The following DLGAP2 variants were observed in gnomAD, a reference collection of about 807,000 sequenced individuals.
The protein encoded by DLGAP2 is disks large-associated protein 2.
DLGAP2 carries 26 observed loss-of-function variants against 100.3 expected under a neutral mutation model. The ratio of observed to expected loss-of-function variants is 0.26; its 90% CI spans 0.19 to 0.36. DLGAP2 has a LOEUF of 0.36. Ranked by LOEUF, DLGAP2 falls within the 10% of genes least tolerant of loss-of-function variation. The pLI is 1.00. For synonymous variants in DLGAP2, 886 were observed against 630.1 expected, an observed-to-expected ratio of 1.41 and a Z score of -6.08; for missense variants, 1,858 against 1,453.2, an observed-to-expected ratio of 1.28 and a Z score of -4.53.
chr8:1,375,084 C>T (rs945804363), intron 3 of DLGAP2, among the ~76,000 whole-genome samples: 6 of 149,952 alleles, frequency 4.0e-5, no homozygotes, highest in Non-Finnish European at 7.4e-5. Flanking sequence ...CACCTCTCCA[C>T]GACCTCAGAA....
At chr8:1,159,622 C>A (rs894912535) in intron 2 of DLGAP2, among the ~76,000 whole-genome samples, 2 of 152,098 alleles carry the variant, frequency 1.3e-5, no homozygotes, top group African/African-American at 2.4e-5. Context: ...AGAAAGAATA[C>A]CTGCATCTAT....
chr8:1,563,916 A>G (rs1273180838), intron 5 of DLGAP2, among the ~76,000 whole-genome samples: 1 of 152,198 alleles, frequency 6.6e-6, no homozygotes, highest in Non-Finnish European at 1.5e-5. Flanking sequence ...ATACCTCAGT[A>G]GCTAAGTATT....
intron 1 of DLGAP2, among the ~76,000 whole-genome samples, chr8:826,822 A>C (rs1017688122): frequency 1.3e-5 from 2 of 152,022 alleles, no homozygotes; most frequent in African/African-American, 4.8e-5. Context: ...GACCTTTGTC[A>C]TTTATGTGGA....
At chr8:984,795 T>C (rs1397195700) in intron 2 of DLGAP2, among the ~76,000 whole-genome samples, 1 of 152,204 alleles carries the variant, frequency 6.6e-6, no homozygotes, top group Non-Finnish European at 1.5e-5. Context: ...AGTGATTGGT[T>C]AGGACAATGA....
chr8:1,526,972 C>T (rs924754735), intron 4 of DLGAP2, among the ~76,000 whole-genome samples: 5 of 152,204 alleles, frequency 3.3e-5, no homozygotes, highest in Admixed American at 6.5e-5. Flanking sequence ...CTGCAAGCAG[C>T]GGGTGCCGTC....
At chr8:1,536,799 T>G (rs551563232) in intron 4 of DLGAP2, among the ~76,000 whole-genome samples, 1 of 152,318 alleles carries the variant, frequency 6.6e-6, no homozygotes, top group East Asian at 1.9e-4. Flanking sequence ...TATTTTTATT[T>G]CCATTCAAAT....
intron 3 of DLGAP2, among the ~76,000 whole-genome samples, chr8:1,378,316 G>T: frequency 7.3e-6 from 1 of 137,216 alleles, no homozygotes; most frequent in Non-Finnish European, 1.5e-5. Context: ...GCGCACACCT[G>T]ACTTCACCTG....
intron 2 of DLGAP2, among the ~76,000 whole-genome samples, chr8:1,219,689 G>C (rs1050535123): frequency 3.9e-5 from 6 of 152,058 alleles, no homozygotes; most frequent in African/African-American, 1.4e-4. Flanking sequence ...TGTTGGTTTT[G>C]TACCAGCTCT....
Position 1,701,325 on chromosome 8 carries a change from G to C in DLGAP2, c.3087G>C (p.Ala1029=), listed in dbSNP as rs373924633. Reference sequence around the variant, plus strand: ...GGCGCCTCATGGCCGCCAAGCGAGCGGCGTCCTTCCGGCAGAATTCCGCCT... The same window carrying C: ...GGCGCCTCATGGCCGCCAAGCGAGCCGCGTCCTTCCGGCAGAATTCCGCCT... ...ARRRLMAAKR[A]ASFRQNSASE... Residue 1029 remains alanine (A), a synonymous_variant, in exon 15 of 15, where the codon GCG becomes GCC. Coordinates refer to ENST00000637795, the MANE Select transcript of DLGAP2 (RefSeq NM_001346810.2). The C allele has an allele frequency of 1.3e-6, 2 of 1,590,422 alleles. No individual in the cohort carries two copies. Among genetic ancestry groups the C allele is most frequent in the Non-Finnish European group, 8.6e-7 (1 of 1,169,226 alleles).
chr8:1,457,148 A>G (rs1363454528), intron 3 of DLGAP2, among the ~76,000 whole-genome samples: 1 of 152,220 alleles, frequency 6.6e-6, no homozygotes, highest in Non-Finnish European at 1.5e-5. Flanking sequence ...CCTATATTCA[A>G]GCAGATGAAA....
At chr8:831,648 C>G (rs1409438157) in intron 1 of DLGAP2, among the ~76,000 whole-genome samples, 2 of 152,154 alleles carry the variant, frequency 1.3e-5, no homozygotes, top group African/African-American at 2.4e-5. Flanking sequence ...CAAGTCTTTG[C>G]TATTGTTAAT....
intron 1 of DLGAP2, among the ~76,000 whole-genome samples, chr8:855,020 C>T (rs1045814183): frequency 5.3e-5 from 8 of 152,044 alleles, no homozygotes; most frequent in Admixed American, 2.6e-4. Flanking sequence ...GTCAGAGGTC[C>T]GGCAGTAGTG....
chr8:865,505 C>G lies in DLGAP2; in HGVS notation c.19-42407C>G, dbSNP rs545332950. 3.6e-4 allele frequency among the ~76,000 whole-genome samples: 55 copies of G among 152,258 alleles called. 1 individual carries two copies. The South Asian group carries it at 0.011, about 30-fold the overall frequency. On this transcript the variant is annotated intron_variant, in intron 1 of 14. Coordinates refer to ENST00000637795, the MANE Select transcript of DLGAP2 (RefSeq NM_001346810.2). ...TCAGATTCTGTGATGTTCCCCGGGGCTGAGTTTACTTTGTGAGCCATTGTG... is the reference window on the plus strand; with the variant it reads ...TCAGATTCTGTGATGTTCCCCGGGGGTGAGTTTACTTTGTGAGCCATTGTG...
chr8:1,194,891 C>A (rs564434991), intron 2 of DLGAP2, among the ~76,000 whole-genome samples: 2 of 152,342 alleles, frequency 1.3e-5, no homozygotes, highest in East Asian at 3.9e-4. Flanking sequence ...GCTTGGTGCT[C>A]ACGCTTTGCT....
chr8:1,538,696 C>T (rs1801240848), intron 4 of DLGAP2, among the ~76,000 whole-genome samples: 1 of 152,052 alleles, frequency 6.6e-6, no homozygotes, highest in Non-Finnish European at 1.5e-5. Context: ...TGGATTGTAC[C>T]ATTGTCATTC....
At position 1,114,685 on chromosome 8, in the gene DLGAP2, G is replaced by A. The variant is rs149845514; in HGVS notation, c.74-144166G>A. On this transcript the variant is annotated intron_variant, in intron 2 of 14. Coordinates refer to ENST00000637795, the MANE Select transcript of DLGAP2 (RefSeq NM_001346810.2). ...CATTGATTTTTTTCAATGGTTTTTC[G>A]TGTCTTGATTTTCTTCAGCTCTGAT... Among the ~76,000 whole-genome samples the A allele has an allele frequency of 7.3e-4, 110 of 150,572 alleles. 1 individual carries two copies. The highest frequency in any genetic ancestry group is 1.6e-3 in the African/African-American group (64 of 40,980).
intron 4 of DLGAP2, among the ~76,000 whole-genome samples, chr8:1,536,518 C>T (rs762517654): frequency 6.6e-6 from 1 of 152,172 alleles, no homozygotes; most frequent in Non-Finnish European, 1.5e-5. Context: ...TAAACCAGAG[C>T]ACCACCTTGA....
chr8:937,066 C>G (rs1018842803), intron 2 of DLGAP2, among the ~76,000 whole-genome samples: 1 of 152,142 alleles, frequency 6.6e-6, no homozygotes, highest in Non-Finnish European at 1.5e-5. Flanking sequence ...GTGTGAAGGC[C>G]CCGCACATCT....
intron 1 of DLGAP2, among the ~76,000 whole-genome samples, chr8:882,750 C>G (rs996938927): frequency 6.6e-6 from 1 of 150,992 alleles, no homozygotes; most frequent in African/African-American, 2.4e-5. Context: ...CCTGATCCAG[C>G]GGTACCTCTC....
Sources: gnomAD v4.1 joint callset for allele counts (sites outside exome capture counted in the v4.1 genomes callset) on GRCh38, gnomAD v4.1.1 for gene constraint, MANE v1.5 for transcripts, NCBI Gene and HGNC (gene_info 2026-07-23, HGNC 2026-07-21) for gene names.